The following TMEM35A variants were observed in gnomAD, a reference collection of about 807,000 sequenced individuals.
The protein encoded by TMEM35A is transmembrane protein 35A, also known as nicotinic acetylcholine receptor chaperone.
For synonymous variants in TMEM35A, 50 were observed against 54.7 expected, an observed-to-expected ratio of 0.91 and a Z score of 0.38; for missense variants, 83 against 132.7, an observed-to-expected ratio of 0.63 and a Z score of 1.84.
Position 101,094,699 on chromosome X carries a change from C to G in TMEM35A, c.247C>G (p.Pro83Ala). 8.3e-7 allele frequency: 1 copy of G among 1,211,341 alleles called. No homozygotes were observed. Among genetic ancestry groups the G allele is most frequent in the Non-Finnish European group, 1.1e-6 (1 of 895,473 alleles). ...CTGTGGCATCGTCATGACCCTTGTG[C>G]CTGGGCGTCCCAAAGATGTGGCCAA... ...VACGIVMTLVPGRPKDVANFF... is the reference protein window; with the variant it reads ...VACGIVMTLVAGRPKDVANFF... The change falls in exon 2 of 2, where the codon CCT (proline) becomes GCT (alanine). Residue 83 changes from proline (P) to alanine (A), a missense_variant. By Grantham distance (27) the Pro-to-Ala change is conservative. Coordinates refer to ENST00000372930, the MANE Select transcript of TMEM35A (RefSeq NM_021637.3).
At chrX:101,090,642 A>G (rs2089321355) in intron 1 of TMEM35A, among the ~76,000 whole-genome samples, 1 of 109,400 alleles carries the variant, frequency 9.1e-6, no homozygotes, top group Non-Finnish European at 1.9e-5. Flanking sequence ...AAAACCCCCA[A>G]ATTGAGTTCC....
At chrX:101,081,501 TTC>T (rs1307870048) in intron 1 of TMEM35A, 1 of 112,033 alleles carries the variant, frequency 8.9e-6, no homozygotes, top group Non-Finnish European at 1.9e-5. Context: ...CCCTTCAGAT[TTC>T]TCTGTTTGGC....
At position 101,094,914 on chromosome X, in the gene TMEM35A, C is replaced by G; in HGVS notation, c.462C>G (p.Ser154=). The G allele has an allele frequency of 8.3e-7, 1 of 1,203,284 alleles. No homozygotes were observed. Among genetic ancestry groups the G allele is most frequent in the South Asian group, 1.8e-5 (1 of 55,770 alleles). The change falls in exon 2 of 2, where the codon TCC becomes TCG. Residue 154 remains serine, a synonymous_variant. Transcript: ENST00000372930. ...CAGGGAATGCTGAGGAGCAACCCTCCTTATATGAGAAGGCCCCTCAGGGCA... is the reference window on the plus strand; with the variant it reads ...CAGGGAATGCTGAGGAGCAACCCTCGTTATATGAGAAGGCCCCTCAGGGCA... ...PLPGNAEEQP[S]LYEKAPQGKV...
chrX:101,092,455 A>T (rs756442058), intron 1 of TMEM35A, among the ~76,000 whole-genome samples: 1 of 111,970 alleles, frequency 8.9e-6, no homozygotes, highest in Admixed American at 9.6e-5. Flanking sequence ...TGTTGTTTAC[A>T]TATCTGTTTC....
In TMEM35A at chrX:101,096,138, T is replaced by C. The variant is rs1569496233; in HGVS notation, c.*1182T>C. ...GACATTTCATAAGGGTTAGTTGGAC[T>C]GAGCAGTATGGACATTTGCTTTTTT... is the stretch of plus-strand genomic sequence containing the variant. On this transcript the variant is annotated 3_prime_UTR_variant, in exon 2 of 2. Coordinates refer to ENST00000372930, the MANE Select transcript of TMEM35A (RefSeq NM_021637.3). 1 of 111,758 alleles carries C rather than the reference T, an allele frequency of 8.9e-6. No homozygotes were observed. Among genetic ancestry groups the C allele is most frequent in the Non-Finnish European group, 1.9e-5 (1 of 53,165 alleles). The allele number at this position is 111,758 out of a possible 1,213,427, so 9.2% of individuals were successfully genotyped here.
intron 1 of TMEM35A, among the ~76,000 whole-genome samples, chrX:101,089,089 G>A (rs892852086): frequency 2.7e-5 from 3 of 111,413 alleles, no homozygotes; most frequent in African/African-American, 9.8e-5. Flanking sequence ...TGCCCCACAT[G>A]GGTCTGGCCC....
chrX:101,091,584 C>T (rs1163025955), intron 1 of TMEM35A, among the ~76,000 whole-genome samples: 1 of 112,361 alleles, frequency 8.9e-6, no homozygotes. Context: ...GGATTACAGG[C>T]GTGAGCCACC....
intron 1 of TMEM35A, among the ~76,000 whole-genome samples, chrX:101,091,601 G>A (rs1416080013): frequency 5.4e-5 from 6 of 112,070 alleles, no homozygotes; most frequent in African/African-American, 1.9e-4. Flanking sequence ...CACCATGCCC[G>A]GCCTATTTCC....
chrX:101,079,270 G>A, intron 1 of TMEM35A, 148 bp downstream of exon 1: 1 of 679,050 alleles, frequency 1.5e-6, no homozygotes. Context: ...CAGCTCGGAA[G>A]GAGCAGCTGG....
At position 101,079,126 on chromosome X, in the gene TMEM35A, A is replaced by G; in HGVS notation, c.120+4A>G. ...CAAGGATGCCTACAGTGAGATGGTA[A>G]GTGAAGCAAACGGGTGATGAGGAGC... On this transcript the variant is annotated splice_donor_region_variant and intron_variant, in intron 1 of 1. Transcript: ENST00000372930. 2 of 1,210,564 alleles carry G rather than the reference A, an allele frequency of 1.7e-6. No homozygotes were observed. The highest frequency in any genetic ancestry group is 2.2e-6 in the Non-Finnish European group (2 of 895,033).
At chrX:101,080,174 T>G (rs2089287895) in intron 1 of TMEM35A, among the ~76,000 whole-genome samples, 1 of 111,002 alleles carries the variant, frequency 9.0e-6, no homozygotes, top group Non-Finnish European at 1.9e-5. Context: ...AGAAAGGAGC[T>G]TAGGGGAGGA....
intron 1 of TMEM35A, among the ~76,000 whole-genome samples, chrX:101,090,995 G>A (rs755579882): frequency 5.4e-5 from 6 of 110,584 alleles, no homozygotes; most frequent in Non-Finnish European, 9.5e-5. Flanking sequence ...GTGCCACCAC[G>A]CCTGGGTAAT....
At chrX:101,081,987 G>A (rs1318781872) in intron 1 of TMEM35A, 2 of 110,655 alleles carry the variant, frequency 1.8e-5, no homozygotes, top group Non-Finnish European at 3.8e-5. Flanking sequence ...ACTGACAACC[G>A]ATTCTTGAGA....
At chrX:101,093,997 A>G (rs1360574338) in intron 1 of TMEM35A, among the ~76,000 whole-genome samples, 2 of 111,772 alleles carry the variant, frequency 1.8e-5, no homozygotes, top group Non-Finnish European at 3.8e-5. Flanking sequence ...CCACCTACTA[A>G]TACCATCATC....
chrX:101,080,041 G>A (rs2089287469), intron 1 of TMEM35A, among the ~76,000 whole-genome samples: 1 of 111,476 alleles, frequency 9.0e-6, no homozygotes, highest in African/African-American at 3.3e-5. Context: ...AGCACTTTCG[G>A]GTCTGTCCCT....
chrX:101,079,798 G>C (rs1330210264), intron 1 of TMEM35A, among the ~76,000 whole-genome samples: 1 of 111,769 alleles, frequency 8.9e-6, no homozygotes, highest in Non-Finnish European at 1.9e-5. Context: ...AATCTGCAAA[G>C]TCTGCTTTTT....
chrX:101,091,666 C>T (rs1316509482), intron 1 of TMEM35A, among the ~76,000 whole-genome samples: 1 of 111,883 alleles, frequency 8.9e-6, no homozygotes, highest in Non-Finnish European at 1.9e-5. Flanking sequence ...TCCAGCTCCA[C>T]AGCAGAACAG....
At chrX:101,081,967 G>A (rs1180043622) in intron 1 of TMEM35A, 3 of 110,581 alleles carry the variant, frequency 2.7e-5, no homozygotes, top group Non-Finnish European at 5.7e-5. Flanking sequence ...TGGTTTTTAT[G>A]GATGCCAGAA....
At position 101,095,643 on chromosome X, in the gene TMEM35A, A is replaced by G. The variant is rs967967296; in HGVS notation, c.*687A>G. Reference sequence around the variant, plus strand: ...ATAGTCCATATTGAATTTAATTAAAACAAGGGATGCATGCAGTCAAATTGA... The same window carrying G: ...ATAGTCCATATTGAATTTAATTAAAGCAAGGGATGCATGCAGTCAAATTGA... On this transcript the variant is annotated 3_prime_UTR_variant, in exon 2 of 2. Coordinates refer to ENST00000372930, the MANE Select transcript of TMEM35A (RefSeq NM_021637.3). 2 of 111,371 alleles carry G rather than the reference A, an allele frequency of 1.8e-5. No individual in the cohort carries two copies. Among genetic ancestry groups the G allele is most frequent in the Non-Finnish European group, 3.8e-5 (2 of 53,112 alleles). 9.2% of individuals were successfully genotyped at this position (111,371 alleles called of 1,213,427 possible). A position where few individuals can be genotyped will look rare whatever the true frequency, so the allele number is the denominator to read the frequency against.
Sources: gnomAD v4.1 joint callset for allele counts (sites outside exome capture counted in the v4.1 genomes callset) on GRCh38, gnomAD v4.1.1 for gene constraint, MANE v1.5 for transcripts, NCBI Gene and HGNC (gene_info 2026-07-23, HGNC 2026-07-21) for gene names.